Variants in SLC10A7 observed in about 807,000 individuals in gnomAD.
SLC10A7 encodes the protein solute carrier family 10 member 7.
In SLC10A7, 29 loss-of-function variants were observed where a neutral mutation model predicts 43.2. The ratio of observed to expected loss-of-function variants is 0.67; its 90% CI spans 0.50 to 0.92. The LOEUF is 0.92. Ranked by LOEUF, SLC10A7 falls within the 40% of genes least tolerant of loss-of-function variation. The pLI is 0.00. For synonymous variants in SLC10A7, 152 were observed against 144.8 expected (o/e 1.05, Z -0.35); for missense variants, 295 against 403.2 (o/e 0.73, Z 2.30).
At chr4:146,339,040 G>A (rs1734079425) in intron 5 of SLC10A7, among the ~76,000 whole-genome samples, 1 of 151,858 alleles carries the variant, frequency 6.6e-6, no homozygotes, top group Non-Finnish European at 1.5e-5. Context: ...GAGAAAGGAG[G>A]CAATGGAAAG....
At chr4:146,294,289 A>C (rs895967528) in intron 7 of SLC10A7, among the ~76,000 whole-genome samples, 194 bp from the exon 8 acceptor site, 2 of 152,226 alleles carry the variant, frequency 1.3e-5, no homozygotes, top group African/African-American at 4.8e-5. Flanking sequence ...TGCAACTTCC[A>C]CTGGGTGTCC....
chr4:146,419,194 A>G (rs1471267124), intron 5 of SLC10A7, among the ~76,000 whole-genome samples: 1 of 152,144 alleles, frequency 6.6e-6, no homozygotes, highest in East Asian at 1.9e-4. Flanking sequence ...ATTGGTGATC[A>G]ACTCAACCTT....
intron 10 of SLC10A7, among the ~76,000 whole-genome samples, chr4:146,264,492 A>G (rs1728433337): frequency 6.6e-6 from 1 of 152,090 alleles, no homozygotes; most frequent in Non-Finnish European, 1.5e-5. Flanking sequence ...TTCATTAACA[A>G]AATACTTTTT....
At chr4:146,350,395 T>A (rs1327965442) in intron 5 of SLC10A7, among the ~76,000 whole-genome samples, 1 of 80,488 alleles carries the variant, frequency 1.2e-5, no homozygotes, top group Non-Finnish European at 2.5e-5. Flanking sequence ...CCACGGAATC[T>A]CGCTGATTGC....
intron 10 of SLC10A7, among the ~76,000 whole-genome samples, chr4:146,260,067 C>A (rs951257808): frequency 5.3e-5 from 8 of 152,198 alleles, no homozygotes; most frequent in Non-Finnish European, 1.0e-4. Context: ...TTTTTCACAG[C>A]CTCACATATC....
At chr4:146,298,276 T>G (rs1162783855) in intron 7 of SLC10A7, among the ~76,000 whole-genome samples, 1 of 152,248 alleles carries the variant, frequency 6.6e-6, no homozygotes, top group Non-Finnish European at 1.5e-5. Flanking sequence ...AGTCTCAGTT[T>G]GATGATGTTT....
chr4:146,444,910 T>C (rs1369859103), intron 4 of SLC10A7, among the ~76,000 whole-genome samples: 3 of 152,228 alleles, frequency 2.0e-5, no homozygotes, highest in African/African-American at 7.2e-5. Flanking sequence ...GTTGGCTCAA[T>C]TCTGTGGTTG....
intron 6 of SLC10A7, among the ~76,000 whole-genome samples, chr4:146,314,581 C>T (rs1042488225): frequency 3.3e-5 from 5 of 152,102 alleles, no homozygotes; most frequent in Admixed American, 6.6e-5. Context: ...TACATGATTC[C>T]GAGTGGGTGA....
chr4:146,292,907 CA>C (rs1730538657), intron 9 of SLC10A7, 21 bp downstream of exon 9: 1 of 1,538,838 alleles, frequency 6.5e-7, no homozygotes, highest in African/African-American at 1.4e-5. Context: ...AAACTAATAA[CA>C]AGAGATACCA....
At chr4:146,299,996 T>G (rs372668676) in intron 7 of SLC10A7, among the ~76,000 whole-genome samples, 1 of 151,958 alleles carries the variant, frequency 6.6e-6, no homozygotes, top group Non-Finnish European at 1.5e-5. Flanking sequence ...GTAGGCAGAG[T>G]TGGCTTTAAC....
chr4:146,305,339 A>T (rs1270597845), intron 7 of SLC10A7, among the ~76,000 whole-genome samples: 2 of 150,070 alleles, frequency 1.3e-5, no homozygotes, highest in Non-Finnish European at 3.0e-5. Context: ...AAAACCAAAC[A>T]CCACATATTC....
At chr4:146,520,509 A>G (rs895130456) in intron 1 of SLC10A7, among the ~76,000 whole-genome samples, 2 of 152,226 alleles carry the variant, frequency 1.3e-5, no homozygotes, top group African/African-American at 4.8e-5. Context: ...TTCCTTTTAA[A>G]ATGTTCCCGG....
At chr4:146,412,035 C>T (rs915219821) in intron 5 of SLC10A7, among the ~76,000 whole-genome samples, 3 of 152,128 alleles carry the variant, frequency 2.0e-5, no homozygotes, top group Non-Finnish European at 2.9e-5. Context: ...ATTTTCACTT[C>T]GAATTTGTAT....
chr4:146,517,144 T>C (rs372368233), intron 1 of SLC10A7, 24 bp from the exon 2 acceptor site: 2 of 1,564,402 alleles, frequency 1.3e-6, no homozygotes, highest in Non-Finnish European at 1.7e-6. Context: ...AAAGAGTTAT[T>C]GCTAGAAAAG....
intron 1 of SLC10A7, among the ~76,000 whole-genome samples, chr4:146,519,524 CA>C (rs775202215): frequency 6.6e-6 from 1 of 151,814 alleles, no homozygotes; most frequent in Non-Finnish European, 1.5e-5. Flanking sequence ...GTGCAAAAGG[CA>C]TTGCATTTGG....
Position 146,517,065 on chromosome 4 carries a change from A to G in SLC10A7, c.156T>C (p.Phe52=). The G allele has an allele frequency of 2.5e-6, 4 of 1,610,374 alleles. No homozygotes were observed. The highest frequency in any genetic ancestry group is 1.7e-4 in the Middle Eastern group (1 of 6,054). ...VSYIAVATIF[F]NSGLSLKTEE... is the part of the protein sequence containing the mutation. Reference sequence around the variant, plus strand: ...CTGTTTTCAATGATAGTCCACTGTTAAAGAATATTGTTGCAACAGCAATGT... The same window carrying G: ...CTGTTTTCAATGATAGTCCACTGTTGAAGAATATTGTTGCAACAGCAATGT... The change falls in exon 2 of 12, where the codon TTT becomes TTC. Residue 52 remains phenylalanine, a synonymous_variant. Transcript: ENST00000335472.
At chr4:146,416,169 A>T (rs1728549492) in intron 5 of SLC10A7, among the ~76,000 whole-genome samples, 1 of 152,116 alleles carries the variant, frequency 6.6e-6, no homozygotes, top group Admixed American at 6.6e-5. Flanking sequence ...AGCAAAAACA[A>T]TCTAACTCAA....
intron 9 of SLC10A7, among the ~76,000 whole-genome samples, chr4:146,287,105 A>AGTCTGGAGTGGTGAGAGGGACCGT (rs1730067572): frequency 1.5e-5 from 1 of 66,396 alleles, no homozygotes; most frequent in Non-Finnish European, 3.0e-5. Flanking sequence ...AGAAGGACCG[A>AGTCTGGAGTGGTGAGAGGGACCGT]GTCTGGAGTG....
At chr4:146,500,993 C>T (rs1418281225) in intron 4 of SLC10A7, among the ~76,000 whole-genome samples, 2 of 152,188 alleles carry the variant, frequency 1.3e-5, no homozygotes, top group East Asian at 3.8e-4. Flanking sequence ...GCTTCCAGGA[C>T]ACCTGGCTTC....
Sources: gnomAD v4.1 joint callset for allele counts (sites outside exome capture counted in the v4.1 genomes callset) on GRCh38, gnomAD v4.1.1 for gene constraint, MANE v1.5 for transcripts, NCBI Gene and HGNC (gene_info 2026-07-23, HGNC 2026-07-21) for gene names.